The following CRADD variants were observed in gnomAD, a reference collection of about 807,000 sequenced individuals.
The protein encoded by CRADD is CARD and death domain containing adaptor protein, also known as death domain-containing protein CRADD.
A neutral mutation model predicts 15.5 loss-of-function variants in CRADD; 9 were observed. That is an observed-to-expected ratio of 0.58 (90% confidence interval 0.35 to 1.01). The LOEUF is 1.01. Ranked by LOEUF, CRADD falls within the 50% of genes least tolerant of loss-of-function variation. The probability of loss-of-function intolerance (pLI) is 0.02; values close to 1 mark genes in which losing one functional copy is unlikely to be tolerated. For missense variants in CRADD, 227 were observed against 250.3 expected (o/e 0.91, Z 0.63); for synonymous variants, 118 against 107.6 (o/e 1.10, Z -0.60).
intron 2 of CRADD, among the ~76,000 whole-genome samples, chr12:93,688,451 C>T (rs1206306182): frequency 1.3e-5 from 2 of 148,926 alleles, no homozygotes; most frequent in East Asian, 2.0e-4. Context: ...TGCAATGAGT[C>T]GAGAGCACAC....
downstream of CRADD, chr12:93,850,824 AAT>A (rs1174123903): frequency 1.0e-4 from 79 of 759,980 alleles, no homozygotes; most frequent in Admixed American, 2.5e-4. This position sits in a 1 kb window ranked among gnomAD's most constrained non-coding sequence, Gnocchi z 4.0. Context: ...GTAAAATTAC[AAT>A]AGTCTTTTTT....
At chr12:93,869,402 T>C (rs1183653666) in intron 2 of CRADD, among the ~76,000 whole-genome samples, 2 of 151,834 alleles carry the variant, frequency 1.3e-5, no homozygotes. Flanking sequence ...TATATGACAA[T>C]AATAAAAAGA....
Position 93,850,212 on chromosome 12 carries a change from C to T in CRADD, c.541C>T (p.His181Tyr). 6.2e-7 allele frequency: 1 copy of T among 1,612,630 alleles called. No individual in the cohort carries two copies. The highest frequency in any genetic ancestry group is 8.5e-7 in the Non-Finnish European group (1 of 1,179,214). The change falls in exon 3 of 3, where the codon CAC becomes TAC. Residue 181 changes from histidine (H) to tyrosine (Y), a missense_variant. Coordinates refer to ENST00000332896, the MANE Select transcript of CRADD (RefSeq NM_003805.5). This position sits in a 1 kb window ranked among gnomAD's most constrained non-coding sequence, Gnocchi z 4.0. ...FGKQATFQSL[H>Y]NGLRAVEVDP... ...GAAGCAGGCCACCTTCCAGAGCCTGCACAACGGGCTGCGGGCTGTGGAGGT... is the reference window on the plus strand; with the variant it reads ...GAAGCAGGCCACCTTCCAGAGCCTGTACAACGGGCTGCGGGCTGTGGAGGT...
chr12:93,742,111 C>G (rs373182633), intron 2 of CRADD, among the ~76,000 whole-genome samples: 16 of 152,316 alleles, frequency 1.1e-4, no homozygotes, highest in African/African-American at 3.8e-4. Flanking sequence ...AGATGTCAAA[C>G]TCTCCTTTCA....
At chr12:93,843,537 G>A (rs982017417) in intron 2 of CRADD, among the ~76,000 whole-genome samples, 17 of 150,078 alleles carry the variant, frequency 1.1e-4, no homozygotes, top group African/African-American at 2.2e-4. Context: ...CCGCCACCAA[G>A]CCCAGCTAAT....
intron 2 of CRADD, among the ~76,000 whole-genome samples, chr12:93,753,138 A>G (rs1476469441): frequency 6.6e-6 from 1 of 152,074 alleles, no homozygotes; most frequent in Non-Finnish European, 1.5e-5. Context: ...GAGCAAAGTC[A>G]CGTCTTACAT....
rs1219904108 is a variant in CRADD, at chr12:93,847,497, T to TG, written c.299-2472dup. On this transcript the variant is annotated intron_variant, in intron 2 of 2. Transcript: ENST00000332896. ...GACTATGGCAGTCATGAGCATTGCTTGAAAAAAAAAAAAAAAAAAAAAAAC... is the reference window on the plus strand; with the variant it reads ...GACTATGGCAGTCATGAGCATTGCTTGGAAAAAAAAAAAAAAAAAAAAAAAC... Among the ~76,000 whole-genome samples, 77 of 74,892 alleles carry TG rather than the reference T, an allele frequency of 1.0e-3. 1 individual carries two copies. The highest frequency in any genetic ancestry group is 3.6e-3 in the African/African-American group (68 of 19,112). 49.1% of individuals were successfully genotyped at this position (74,892 alleles called of 152,430 possible). A position where few individuals can be genotyped will look rare whatever the true frequency, so the allele number is the denominator to read the frequency against.
chr12:93,693,700 A>G (rs1955629628), intron 2 of CRADD, among the ~76,000 whole-genome samples: 2 of 151,988 alleles, frequency 1.3e-5, no homozygotes, highest in South Asian at 4.1e-4. Flanking sequence ...AGATAAAAAA[A>G]GTAATAAAGA....
chr12:93,775,885 C>T (rs192014809), intron 2 of CRADD, among the ~76,000 whole-genome samples: 5 of 152,198 alleles, frequency 3.3e-5, no homozygotes, highest in Admixed American at 6.5e-5. Flanking sequence ...GACTCTAGGA[C>T]GTATTTGTAT....
chr12:93,772,814 C>G (rs1957098763), intron 2 of CRADD, among the ~76,000 whole-genome samples: 1 of 152,154 alleles, frequency 6.6e-6, no homozygotes, highest in South Asian at 2.1e-4. Flanking sequence ...GGTTTCCTAG[C>G]TAGGCCTGCT....
intron 2 of CRADD, among the ~76,000 whole-genome samples, chr12:93,888,317 C>T (rs11107236): frequency 6.6e-6 from 1 of 150,762 alleles, no homozygotes; most frequent in Non-Finnish European, 1.5e-5. Flanking sequence ...CTTAGCTACT[C>T]GGGAGGCTGA....
At chr12:93,687,678 A>G (rs1169636468) in intron 2 of CRADD, among the ~76,000 whole-genome samples, 1 of 152,174 alleles carries the variant, frequency 6.6e-6, no homozygotes, top group African/African-American at 2.4e-5. Flanking sequence ...ACTTGCTTGA[A>G]GCATTGTTCT....
At chr12:93,877,237 C>G (rs1450832940) in intron 2 of CRADD, among the ~76,000 whole-genome samples, 1 of 152,238 alleles carries the variant, frequency 6.6e-6, no homozygotes, top group African/African-American at 2.4e-5. Context: ...GCTACCACCA[C>G]TATGACTGCT....
rs888545352 is a variant in CRADD at position 93,679,210 on chromosome 12, C to T, written c.298+138C>T. On this transcript the variant is annotated intron_variant, in intron 2 of 2. Coordinates refer to ENST00000332896, the MANE Select transcript of CRADD (RefSeq NM_003805.5). Reference sequence around the variant, plus strand: ...AGGCTGGAGTGCAATGGTGTGATCTCGGCTCACTGCAACCTCTGCTTCCTG... The same window carrying T: ...AGGCTGGAGTGCAATGGTGTGATCTTGGCTCACTGCAACCTCTGCTTCCTG... 50 of 661,850 alleles carry T rather than the reference C, an allele frequency of 7.6e-5. No individual in the cohort carries two copies. The Admixed American group carries it at 8.2e-4, about 11-fold the overall frequency. The allele number at this position is 661,850 out of a possible 1,614,324, so 41.0% of individuals were successfully genotyped here.
At chr12:93,730,539 TTGTC>T (rs1956445341) in intron 2 of CRADD, among the ~76,000 whole-genome samples, 1 of 152,300 alleles carries the variant, frequency 6.6e-6, no homozygotes, top group African/African-American at 2.4e-5. Flanking sequence ...TTCTAAGAAT[TTGTC>T]TGAAAGGACT....
chr12:93,829,976 G>A (rs1035471959), intron 2 of CRADD, among the ~76,000 whole-genome samples: 1 of 152,176 alleles, frequency 6.6e-6, no homozygotes, highest in Non-Finnish European at 1.5e-5. Context: ...ACAGGCATCA[G>A]CCACCACGCC....
intron 2 of CRADD, among the ~76,000 whole-genome samples, chr12:93,893,618 G>A (rs1482506907): frequency 7.2e-5 from 11 of 152,176 alleles, no homozygotes. Context: ...TTAAATTTAA[G>A]CACTAGGCTG....
At chr12:93,766,428 T>C (rs893204778) in intron 2 of CRADD, among the ~76,000 whole-genome samples, 1 of 152,228 alleles carries the variant, frequency 6.6e-6, no homozygotes, top group Non-Finnish European at 1.5e-5. Flanking sequence ...CTTTTTCTGA[T>C]TGAAACAAAA....
chr12:93,811,676 A>T (rs1957628070), intron 2 of CRADD, among the ~76,000 whole-genome samples: 1 of 152,234 alleles, frequency 6.6e-6, no homozygotes, highest in African/African-American at 2.4e-5. Flanking sequence ...CTGCTAAAAG[A>T]TTAAGCAATG....
Sources: allele counts gnomAD v4.1 joint callset (sites outside exome capture counted in the v4.1 genomes callset), GRCh38; gene constraint gnomAD v4.1.1; non-coding constraint Gnocchi (gnomAD v3.1); transcripts MANE v1.5; gene names NCBI Gene and HGNC (gene_info 2026-07-23, HGNC 2026-07-21).